The following SEL1L variants were observed in gnomAD, a reference collection of about 807,000 sequenced individuals.
The protein encoded by SEL1L is SEL1L adaptor subunit of SYVN1 ubiquitin ligase.
Under a neutral mutation model 109.8 loss-of-function variants are expected in SEL1L, and 52 were observed. The ratio of observed to expected loss-of-function variants is 0.47; its 90% CI spans 0.38 to 0.60. SEL1L has a LOEUF of 0.60. SEL1L is among the 20% of genes least tolerant of loss of function. The pLI, the probability that SEL1L is intolerant of heterozygous loss-of-function variation, is 0.00. For synonymous variants in SEL1L, 373 were observed against 339.6 expected (o/e 1.10, Z -1.08); for missense variants, 749 against 962.2 (o/e 0.78, Z 2.93).
chr14:81,514,851 T>C (rs1884635606), intron 3 of SEL1L, among the ~76,000 whole-genome samples: 1 of 152,094 alleles, frequency 6.6e-6, no homozygotes, highest in African/African-American at 2.4e-5. Context: ...CTGGCCCCAA[T>C]ATTCTCTCTG....
intron 11 of SEL1L, among the ~76,000 whole-genome samples, chr14:81,493,308 G>A (rs139532698): frequency 0.027 from 4,080 of 152,096 alleles, 179 homozygotes; most frequent in African/African-American, 0.094. Flanking sequence ...TCAGGAGTTC[G>A]AGACCAGCCT....
chr14:81,508,685 T>C (rs545307798), intron 3 of SEL1L, among the ~76,000 whole-genome samples: 1 of 152,192 alleles, frequency 6.6e-6, no homozygotes, highest in African/African-American at 2.4e-5. Flanking sequence ...GAGGCGGAGG[T>C]TGCAGTGAGC....
chr14:81,533,609 C>G, intron 1 of SEL1L, 66 bp downstream of exon 1: 1 of 1,524,980 alleles, frequency 6.6e-7, no homozygotes, highest in Non-Finnish European at 9.0e-7. Flanking sequence ...TCCCCACGGC[C>G]CCGCCGGCTG....
Position 81,504,191 on chromosome 14 carries a change from T to G in SEL1L, c.614+10A>C. 2 of 1,552,662 alleles carry G rather than the reference T, an allele frequency of 1.3e-6. No individual in the cohort carries two copies. Among genetic ancestry groups the G allele is most frequent in the Non-Finnish European group, 1.8e-6 (2 of 1,139,070 alleles). ...CATGGGGGAAAAGTGGACTTAGCAG[T>G]GCTACCTACTCTCTTTTTTGGCTTT... is the stretch of plus-strand genomic sequence containing the variant. On this transcript the variant is annotated intron_variant, in intron 5 of 20. Transcript: ENST00000336735.
rs1046401110 is a variant in SEL1L at position 81,476,643 on chromosome 14, A to C, written c.*329T>G. ...ATTAAGAACTTATGCACACTGAAAT[A>C]ATGACCAAAAGGATCCAAGAAAGAT... On this transcript the variant is annotated 3_prime_UTR_variant, in exon 21 of 21. Coordinates refer to ENST00000336735, the MANE Select transcript of SEL1L (RefSeq NM_005065.6). The C allele has an allele frequency of 1.2e-5, 3 of 253,294 alleles. No homozygotes were observed. Among genetic ancestry groups the C allele is most frequent in the African/African-American group, 6.5e-5 (3 of 46,422 alleles). The allele number at this position is 253,294 out of a possible 1,614,324, so 15.7% of individuals were successfully genotyped here.
Position 81,471,958 on chromosome 14 carries a change from T to C in SEL1L, c.*5014A>G, listed in dbSNP as rs574573135. ...AAAAAGTAAAAACTTTCCTTTTTAT[T>C]TTTCGTAGTTTCTACTACAGAAATT... is the stretch of plus-strand genomic sequence containing the variant. On this transcript the variant is annotated 3_prime_UTR_variant, in exon 21 of 21. Coordinates refer to ENST00000336735, the MANE Select transcript of SEL1L (RefSeq NM_005065.6). The C allele has an allele frequency of 6.6e-6, 1 of 152,352 alleles. No homozygotes were observed. The highest frequency in any genetic ancestry group is 6.5e-5 in the Admixed American group (1 of 15,304). 9.4% of individuals were successfully genotyped at this position (152,352 alleles called of 1,614,324 possible).
intron 3 of SEL1L, among the ~76,000 whole-genome samples, chr14:81,513,854 G>C (rs544512466): frequency 5.3e-5 from 8 of 152,324 alleles, no homozygotes; most frequent in African/African-American, 1.9e-4. Context: ...AGAGAGGAAA[G>C]CCATTCAGCT....
intron 3 of SEL1L, among the ~76,000 whole-genome samples, chr14:81,507,536 T>G (rs1884287358): frequency 6.6e-6 from 1 of 151,596 alleles, no homozygotes; most frequent in Admixed American, 6.6e-5. Flanking sequence ...ACTGGGTAGG[T>G]ACTGCTACAT....
chr14:81,522,594 C>T (rs1235594804), intron 3 of SEL1L, among the ~76,000 whole-genome samples: 1 of 152,132 alleles, frequency 6.6e-6, no homozygotes, highest in African/African-American at 2.4e-5. Flanking sequence ...TGTAAGTACA[C>T]TCTATATTTG....
At chr14:81,518,297 T>TA (rs1178393055) in intron 3 of SEL1L, among the ~76,000 whole-genome samples, 170 of 141,948 alleles carry the variant, frequency 1.2e-3, no homozygotes, top group Middle Eastern at 7.4e-3. Flanking sequence ...TGCAGCTGAT[T>TA]AAAAAAAAAA....
At chr14:81,525,333 A>G (rs1342612317) in intron 3 of SEL1L, among the ~76,000 whole-genome samples, 1 of 151,740 alleles carries the variant, frequency 6.6e-6, no homozygotes, top group African/African-American at 2.4e-5. Context: ...AGATCACCTG[A>G]GTTCAAGGCT....
At chr14:81,487,633 A>G (rs1343327007) in intron 15 of SEL1L, 95 bp from the exon 16 acceptor site, 9 of 1,529,996 alleles carry the variant, frequency 5.9e-6, no homozygotes, top group Non-Finnish European at 7.9e-6. Context: ...CTCTAATGAA[A>G]GAATTCTTAC....
chr14:81,532,072 C>T (rs902933139), intron 1 of SEL1L, among the ~76,000 whole-genome samples: 3 of 152,202 alleles, frequency 2.0e-5, no homozygotes, highest in Admixed American at 6.5e-5. Flanking sequence ...TCTTTTATTA[C>T]AACATCCTGA....
chr14:81,502,831 C>T lies in SEL1L; in HGVS notation c.667G>A (p.Glu223Lys). ...AATAAAAGAGCATATGACACTCTCT[C>T]CAGGGCTTTGGTATGGTTCATGCTT... ...AASMNHTKAL[E>K]RVSYALLFGD... is the part of the protein sequence containing the mutation. Residue 223 changes from glutamate (E) to lysine (K), a missense_variant, in exon 6 of 21, where the codon GAG becomes AAG. By Grantham distance (56) the Glu-to-Lys change is moderately conservative. Coordinates refer to ENST00000336735, the MANE Select transcript of SEL1L (RefSeq NM_005065.6). The T allele has an allele frequency of 6.2e-7, 1 of 1,614,116 alleles. No homozygotes were observed.
In SEL1L at chr14:81,474,563, T is replaced by C. The variant is rs1903102006; in HGVS notation, c.*2409A>G. ...TGTCATTTTATTCAAATGGATGCCATTTGATTAGGTAAGTATTGAGCATTA... is the reference window on the plus strand; with the variant it reads ...TGTCATTTTATTCAAATGGATGCCACTTGATTAGGTAAGTATTGAGCATTA... On this transcript the variant is annotated 3_prime_UTR_variant, in exon 21 of 21. Coordinates refer to ENST00000336735, the MANE Select transcript of SEL1L (RefSeq NM_005065.6). 6.6e-6 allele frequency: 1 copy of C among 152,190 alleles called. No individual in the cohort carries two copies. Among genetic ancestry groups the C allele is most frequent in the Non-Finnish European group, 1.5e-5 (1 of 68,018 alleles). 9.4% of individuals were successfully genotyped at this position (152,190 alleles called of 1,614,324 possible).
chr14:81,495,565 G>A (rs1275996570), intron 10 of SEL1L, among the ~76,000 whole-genome samples: 5 of 152,130 alleles, frequency 3.3e-5, no homozygotes, highest in African/African-American at 1.2e-4. Flanking sequence ...TGAGCCTGGA[G>A]AGGTCGAGGC....
intron 2 of SEL1L, among the ~76,000 whole-genome samples, chr14:81,527,438 TACACAC>T (rs67777470): frequency 0.36 from 52,947 of 146,616 alleles, 10,590 homozygotes; most frequent in Non-Finnish European, 0.46. Flanking sequence ...TCTTCAAACT[TACACAC>T]ACACACACAC....
intron 3 of SEL1L, among the ~76,000 whole-genome samples, chr14:81,518,960 T>C (rs1884810739): frequency 1.3e-5 from 2 of 152,170 alleles, no homozygotes; most frequent in South Asian, 4.1e-4. Flanking sequence ...GCTTCCAAGG[T>C]TGGCCCTTGG....
intron 6 of SEL1L, among the ~76,000 whole-genome samples, chr14:81,500,593 G>C (rs778848182): frequency 1.3e-5 from 2 of 152,108 alleles, no homozygotes; most frequent in Admixed American, 1.3e-4. Flanking sequence ...ATACTAACTA[G>C]AAAGACAAAG....
Sources: gnomAD v4.1 joint callset for allele counts (sites outside exome capture counted in the v4.1 genomes callset) on GRCh38, gnomAD v4.1.1 for gene constraint, MANE v1.5 for transcripts, NCBI Gene and HGNC (gene_info 2026-07-23, HGNC 2026-07-21) for gene names.